The following CNTN5 variants were observed in gnomAD, a reference collection of about 807,000 sequenced individuals.
CNTN5 encodes contactin-5.
CNTN5 carries 77 observed loss-of-function variants against 129.1 expected under a neutral mutation model. That is an observed-to-expected ratio of 0.60 (90% CI 0.50 to 0.72). The LOEUF (loss-of-function observed/expected upper bound fraction) is 0.72, where lower values mean the gene tolerates loss of function less well. Ranked by LOEUF, CNTN5 falls within the 30% of genes least tolerant of loss-of-function variation. The pLI, the probability that CNTN5 is intolerant of heterozygous loss-of-function variation, is 0.00. For synonymous variants in CNTN5, 509 were observed against 465.6 expected, an observed-to-expected ratio of 1.09 and a Z score of -1.20; for missense variants, 1,478 against 1,328.8, an observed-to-expected ratio of 1.11 and a Z score of -1.75.
intron 3 of CNTN5, among the ~76,000 whole-genome samples, chr11:99,716,756 T>C (rs868267817): frequency 1.7e-4 from 26 of 152,128 alleles, no homozygotes; most frequent in Middle Eastern, 3.2e-3. Flanking sequence ...GTTTAAGTTC[T>C]CTAACTCTAA....
intron 13 of CNTN5, among the ~76,000 whole-genome samples, chr11:100,150,362 G>GTGT (rs1415463977): frequency 6.6e-6 from 1 of 151,836 alleles, no homozygotes; most frequent in Non-Finnish European, 1.5e-5. Context: ...GTGCTTGCTT[G>GTGT]TGTTATTTTA....
At chr11:99,878,188 T>C in intron 6 of CNTN5, among the ~76,000 whole-genome samples, 1 of 152,204 alleles carries the variant, frequency 6.6e-6, no homozygotes. Flanking sequence ...TCTAGGAAAT[T>C]AAGTCTTTTC....
rs144719122 is a variant in CNTN5 at position 99,279,456 on chromosome 11, A to G, written c.-209-45890A>G. 5.9e-5 allele frequency among the ~76,000 whole-genome samples: 9 copies of G among 151,978 alleles called. No individual in the cohort carries two copies. The East Asian group carries it at 1.6e-3, about 26-fold the overall frequency. On this transcript the variant is annotated intron_variant, in intron 1 of 24. Transcript: ENST00000524871. ...CCATCTAAACCTATTTACCCTGTCCAGGAGATCTGCTAATGAGGAATGCCA... is the reference window on the plus strand; with the variant it reads ...CCATCTAAACCTATTTACCCTGTCCGGGAGATCTGCTAATGAGGAATGCCA...
At chr11:99,683,907 C>A (rs1591475490) in intron 3 of CNTN5, among the ~76,000 whole-genome samples, 2 of 151,832 alleles carry the variant, frequency 1.3e-5, no homozygotes, top group East Asian at 1.9e-4. Context: ...GCTACACCAA[C>A]CTAATTAACA....
chr11:99,477,218 A>T (rs915868415), intron 2 of CNTN5, among the ~76,000 whole-genome samples: 1 of 152,022 alleles, frequency 6.6e-6, no homozygotes, highest in South Asian at 2.1e-4. Flanking sequence ...GGAAAAGATT[A>T]TTAATATTAC....
At chr11:99,126,032 T>A (rs552205894) in intron 1 of CNTN5, among the ~76,000 whole-genome samples, 1 of 152,304 alleles carries the variant, frequency 6.6e-6, no homozygotes, top group African/African-American at 2.4e-5. Context: ...TAAATTCTTA[T>A]TATTTATTGG....
intron 8 of CNTN5, among the ~76,000 whole-genome samples, chr11:99,964,642 A>C (rs943870478): frequency 1.4e-4 from 22 of 152,226 alleles, no homozygotes; most frequent in Middle Eastern, 3.4e-3. Flanking sequence ...TGTCTCTGCC[A>C]GGCTTTGGTA....
At chr11:99,621,045 G>A (rs1950933555) in intron 3 of CNTN5, among the ~76,000 whole-genome samples, 1 of 151,968 alleles carries the variant, frequency 6.6e-6, no homozygotes, top group Admixed American at 6.6e-5. Context: ...CACACATAAA[G>A]TCTACCTGCA....
intron 13 of CNTN5, among the ~76,000 whole-genome samples, chr11:100,176,075 A>G (rs899082110): frequency 1.3e-5 from 2 of 152,004 alleles, no homozygotes; most frequent in African/African-American, 4.8e-5. Flanking sequence ...GCTAGAGTGC[A>G]GTGGCTCCAT....
chr11:99,294,683 A>T (rs955687345), intron 1 of CNTN5, among the ~76,000 whole-genome samples: 1 of 152,168 alleles, frequency 6.6e-6, no homozygotes, highest in Non-Finnish European at 1.5e-5. Context: ...ATTATCTGCA[A>T]TGCTGCGATT....
intron 1 of CNTN5, among the ~76,000 whole-genome samples, chr11:99,030,639 A>G (rs992001061): frequency 2.0e-5 from 3 of 152,212 alleles, no homozygotes; most frequent in African/African-American, 7.2e-5. Context: ...ATAACAAAAT[A>G]GTACAGAATA....
At chr11:99,607,024 G>C (rs1452141546) in intron 3 of CNTN5, among the ~76,000 whole-genome samples, 1 of 116,792 alleles carries the variant, frequency 8.6e-6, no homozygotes, top group Non-Finnish European at 1.8e-5. Context: ...TTACCATTCA[G>C]GACATAGGCG....
At chr11:100,117,479 T>G (rs1403705224) in intron 13 of CNTN5, among the ~76,000 whole-genome samples, 2 of 151,992 alleles carry the variant, frequency 1.3e-5, no homozygotes, top group Non-Finnish European at 2.9e-5. Context: ...TAGTATCTGT[T>G]GCAAAATAGT....
At chr11:99,303,938 T>C (rs1864757224) in intron 1 of CNTN5, among the ~76,000 whole-genome samples, 1 of 152,158 alleles carries the variant, frequency 6.6e-6, no homozygotes, top group South Asian at 2.1e-4. Flanking sequence ...AAAAAATGGT[T>C]TGAATAATCT....
intron 4 of CNTN5, among the ~76,000 whole-genome samples, chr11:99,824,621 T>G (rs1339187692): frequency 6.6e-6 from 1 of 151,964 alleles, no homozygotes. Context: ...AATATTTTCC[T>G]TTGTAGTCTG....
At chr11:99,624,937 C>T (rs1319360984) in intron 3 of CNTN5, among the ~76,000 whole-genome samples, 44 of 152,142 alleles carry the variant, frequency 2.9e-4, no homozygotes, top group Non-Finnish European at 2.9e-5. Context: ...CTAGTGCTGA[C>T]ACCATGGTGT....
intron 15 of CNTN5, among the ~76,000 whole-genome samples, chr11:100,196,840 T>C (rs1379569693): frequency 1.3e-5 from 2 of 151,986 alleles, no homozygotes; most frequent in Non-Finnish European, 2.9e-5. Flanking sequence ...ATAAACTGAA[T>C]GTGATAAGCT....
intron 9 of CNTN5, 115 bp downstream of exon 9, chr11:100,002,251 AT>A: frequency 1.6e-6 from 1 of 613,662 alleles, no homozygotes; most frequent in Non-Finnish European, 2.6e-6. Flanking sequence ...CATGGTGGCT[AT>A]TTATTTTCTA....
chr11:99,565,117 A>G (rs966555117), intron 3 of CNTN5, among the ~76,000 whole-genome samples: 5 of 152,188 alleles, frequency 3.3e-5, no homozygotes, highest in African/African-American at 9.7e-5. Context: ...AAAGAACAAT[A>G]ACCCAAAATA....
Sources: allele counts gnomAD v4.1 joint callset (sites outside exome capture counted in the v4.1 genomes callset), GRCh38; gene constraint gnomAD v4.1.1; transcripts MANE v1.5; gene names NCBI Gene and HGNC (gene_info 2026-07-23, HGNC 2026-07-21).